Variants in SRRM3 observed in about 807,000 individuals in gnomAD.
SRRM3 encodes serine/arginine repetitive matrix protein 3.
Under a neutral mutation model 66.2 loss-of-function variants are expected in SRRM3, and 27 were observed. That is an observed-to-expected ratio of 0.41 (90% confidence interval 0.30 to 0.56). The LOEUF (loss-of-function observed/expected upper bound fraction) is 0.56, where lower values mean the gene tolerates loss of function less well. SRRM3 is among the 20% of genes least tolerant of loss of function. The pLI, the probability that SRRM3 is intolerant of heterozygous loss-of-function variation, is 0.32. For synonymous variants in SRRM3, 391 were observed against 414.9 expected (o/e 0.94, Z 0.70); for missense variants, 918 against 991.9 (o/e 0.93, Z 1.00).
At chr7:76,260,397 G>A (rs1221359091) in intron 5 of SRRM3, among the ~76,000 whole-genome samples, 200 bp downstream of exon 5, 5 of 38,380 alleles carry the variant, frequency 1.3e-4, no homozygotes, top group Non-Finnish European at 1.9e-4. Flanking sequence ...TCCTCCCCTC[G>A]CTAGGCCCCG....
chr7:76,208,463 G>C lies in SRRM3; in HGVS notation c.-40+6396G>C, dbSNP rs1275526204. Among the ~76,000 whole-genome samples the C allele has an allele frequency of 6.0e-5, 9 of 150,404 alleles. No individual in the cohort carries two copies. In the Admixed American group the frequency reaches 6.0e-4, roughly 10 times the overall value. ...GTGGGAGGATCACTTGAGCCCAGGAGTTGAAGACCAATCTGGGCAACATAA... is the reference window on the plus strand; with the variant it reads ...GTGGGAGGATCACTTGAGCCCAGGACTTGAAGACCAATCTGGGCAACATAA... On this transcript the variant is annotated intron_variant, in intron 1 of 14. Coordinates refer to ENST00000611745, the MANE Select transcript of SRRM3 (RefSeq NM_001110199.3).
chr7:76,203,172 C>A (rs550473578), intron 1 of SRRM3, among the ~76,000 whole-genome samples: 1 of 152,276 alleles, frequency 6.6e-6, no homozygotes, highest in South Asian at 2.1e-4. Flanking sequence ...GGAAATTGTT[C>A]CCACACAGCA....
At chr7:76,276,564 G>C (rs1354245472) in intron 11 of SRRM3, among the ~76,000 whole-genome samples, 1 of 152,182 alleles carries the variant, frequency 6.6e-6, no homozygotes, top group Non-Finnish European at 1.5e-5. Context: ...CTGTGGGTGG[G>C]AGGTGGGGAG....
intron 12 of SRRM3, 105 bp downstream of exon 12, chr7:76,281,907 C>A: frequency 2.1e-6 from 2 of 953,832 alleles, no homozygotes; most frequent in Non-Finnish European, 2.6e-6. Context: ...GCTGAGCTAC[C>A]CTCCAGGGAT....
chr7:76,261,951 A>G (rs1801883566), intron 8 of SRRM3, among the ~76,000 whole-genome samples: 1 of 151,038 alleles, frequency 6.6e-6, no homozygotes, highest in Non-Finnish European at 1.5e-5. Context: ...GTGAGCTGGG[A>G]GGGCTCCATG....
intron 1 of SRRM3, among the ~76,000 whole-genome samples, chr7:76,211,879 G>C (rs1800442291): frequency 6.7e-6 from 1 of 148,860 alleles, no homozygotes; most frequent in African/African-American, 2.5e-5. Flanking sequence ...TCACTCTCTT[G>C]TCCAGGCTGG....
In SRRM3 at chr7:76,281,691, C is replaced by T; in HGVS notation, c.1259C>T (p.Ser420Leu). Residue 420 changes from serine to leucine, a missense_variant, in exon 12 of 15, where the codon TCG becomes TTG. Ser to Leu is a moderately radical substitution (Grantham distance 145, BLOSUM62 -2). Coordinates refer to ENST00000611745, the MANE Select transcript of SRRM3 (RefSeq NM_001110199.3). Reference protein sequence around the residue: ...RPRPAPPRGSSRSLSRARSSS... With the variant: ...RPRPAPPRGSLRSLSRARSSS... The stretch of plus-strand genomic sequence containing the variant: ...CGGCCCGCGCCCCCCCGGGGCTCGT[C>T]GCGCTCGCTCAGCAGGGCCCGCTCC... 9.5e-7 allele frequency: 1 copy of T among 1,057,770 alleles called. No individual in the cohort carries two copies. The highest frequency in any genetic ancestry group is 3.7e-5 in the South Asian group (1 of 26,770). The allele number at this position is 1,057,770 out of a possible 1,614,324, so 65.5% of individuals were successfully genotyped here. A position where few individuals can be genotyped will look rare whatever the true frequency, so the allele number is the denominator to read the frequency against.
chr7:76,218,127 G>T (rs1224251025), intron 1 of SRRM3, among the ~76,000 whole-genome samples: 3 of 152,196 alleles, frequency 2.0e-5, no homozygotes, highest in African/African-American at 7.2e-5. Flanking sequence ...TGGAGCGGGG[G>T]TTGGGATCTG....
At chr7:76,229,806 C>T (rs1304896310) in intron 1 of SRRM3, among the ~76,000 whole-genome samples, 1 of 145,076 alleles carries the variant, frequency 6.9e-6, no homozygotes, top group Non-Finnish European at 1.5e-5. Flanking sequence ...TGCAGTGGTG[C>T]GATCTCGGCT....
Position 76,255,899 on chromosome 7 carries a change from G to A in SRRM3, c.336-4007G>A, listed in dbSNP as rs28694273. Among the ~76,000 whole-genome samples the A allele has an allele frequency of 3.8e-3, 576 of 152,302 alleles. 3 individuals are homozygous for A. The highest frequency in any genetic ancestry group is 0.013 in the African/African-American group (559 of 41,568). On this transcript the variant is annotated intron_variant, in intron 3 of 14. Coordinates refer to ENST00000611745, the MANE Select transcript of SRRM3 (RefSeq NM_001110199.3). ...AGCGTCTTTTCTCCCCGGAAGAGATGTTGGTGTGTAAGTAGCAGCAACGGC... is the reference window on the plus strand; with the variant it reads ...AGCGTCTTTTCTCCCCGGAAGAGATATTGGTGTGTAAGTAGCAGCAACGGC...
At chr7:76,230,790 G>A (rs562875905) in intron 1 of SRRM3, among the ~76,000 whole-genome samples, 2 of 146,674 alleles carry the variant, frequency 1.4e-5, no homozygotes, top group East Asian at 2.0e-4. Context: ...TCACTCTGTC[G>A]CCCAGGCTGA....
intron 1 of SRRM3, among the ~76,000 whole-genome samples, chr7:76,209,743 G>A (rs954458779): frequency 1.1e-4 from 17 of 151,760 alleles, no homozygotes; most frequent in South Asian, 1.0e-3. Flanking sequence ...TGGCTGGGAC[G>A]ACAGGCATGT....
intron 1 of SRRM3, among the ~76,000 whole-genome samples, chr7:76,220,129 T>C (rs1017883859): frequency 6.6e-6 from 1 of 152,144 alleles, no homozygotes; most frequent in African/African-American, 2.4e-5. Context: ...CAGCAAACAG[T>C]CCCAGGTGGC....
At chr7:76,244,159 C>G (rs782334184) in intron 2 of SRRM3, among the ~76,000 whole-genome samples, 1 of 152,170 alleles carries the variant, frequency 6.6e-6, no homozygotes, top group Non-Finnish European at 1.5e-5. Flanking sequence ...GCCCTCCCCA[C>G]GGTGAGCGAC....
At position 76,260,034 on chromosome 7, in the gene SRRM3, G is replaced by C; in HGVS notation, c.464G>C (p.Arg155Thr). The C allele has an allele frequency of 6.5e-7, 1 of 1,534,566 alleles. No homozygotes were observed. Among genetic ancestry groups the C allele is most frequent in the South Asian group, 1.2e-5 (1 of 83,316 alleles). The change falls in exon 4 of 15, where the codon AGG (arginine) becomes ACG (threonine). Residue 155 changes from arginine (R) to threonine (T), a missense_variant and splice_region_variant. Physicochemically the swap from Arg to Thr is moderately conservative, Grantham distance 71 (BLOSUM62 -1). Transcript: ENST00000611745. ...TGCTACCGCGGCCACCGCGGGTACAGGTCAGCGGCCGCCGCGGCGGGGGTG... is the reference window on the plus strand; with the variant it reads ...TGCTACCGCGGCCACCGCGGGTACACGTCAGCGGCCGCCGCGGCGGGGGTG... The part of the protein sequence containing the change: ...ASCYRGHRGY[R>T]TKHWSSSSAS...
At chr7:76,256,785 C>T (rs1404268885) in intron 3 of SRRM3, among the ~76,000 whole-genome samples, 1 of 150,556 alleles carries the variant, frequency 6.6e-6, no homozygotes, top group African/African-American at 2.4e-5. Context: ...TCTCGGCTCA[C>T]TGCAACCTCC....
intron 11 of SRRM3, among the ~76,000 whole-genome samples, chr7:76,277,864 C>T (rs533139296): frequency 6.6e-6 from 1 of 152,166 alleles, no homozygotes; most frequent in Non-Finnish European, 1.5e-5. Flanking sequence ...GCACTGCCTC[C>T]CCTAACCAAA....
chr7:76,212,409 G>A (rs554422672), intron 1 of SRRM3, among the ~76,000 whole-genome samples: 6 of 150,028 alleles, frequency 4.0e-5, no homozygotes, highest in South Asian at 2.1e-4. Flanking sequence ...CTCCCACCTC[G>A]GCCTCCCAAA....
intron 1 of SRRM3, among the ~76,000 whole-genome samples, chr7:76,223,817 TTTGCCTTCCC>T (rs1800781215): frequency 1.5e-5 from 2 of 136,338 alleles, no homozygotes; most frequent in African/African-American, 5.5e-5. Flanking sequence ...GCCCTTGGCT[TTTGCCTTCCC>T]TTCCCTTCCC....
Sources: gnomAD v4.1 joint callset for allele counts (sites outside exome capture counted in the v4.1 genomes callset) on GRCh38, gnomAD v4.1.1 for gene constraint, MANE v1.5 for transcripts, NCBI Gene and HGNC (gene_info 2026-07-23, HGNC 2026-07-21) for gene names.